The following MAP7 variants were observed in gnomAD, a reference collection of about 807,000 sequenced individuals.
MAP7 encodes the protein microtubule associated protein 7, also known as ensconsin.
A neutral mutation model predicts 94.8 loss-of-function variants in MAP7; 52 were observed. The ratio of observed to expected loss-of-function variants is 0.55; its 90% CI spans 0.44 to 0.69. The LOEUF is 0.69. Among genes scored for constraint, MAP7 ranks in the 30% least tolerant of loss-of-function variants. MAP7 has a pLI of 0.00. For synonymous variants in MAP7, 350 were observed against 357.0 expected (o/e 0.98, Z 0.22); for missense variants, 940 against 964.6 (o/e 0.97, Z 0.34).
chr6:136,458,286 T>C (rs781631035), intron 1 of MAP7, among the ~76,000 whole-genome samples: 5 of 152,050 alleles, frequency 3.3e-5, no homozygotes, highest in Non-Finnish European at 4.4e-5. Context: ...AAGATACAAA[T>C]AAATGGAAAG....
At chr6:136,492,013 A>G (rs1289077411) in intron 1 of MAP7, among the ~76,000 whole-genome samples, 5 of 152,218 alleles carry the variant, frequency 3.3e-5, no homozygotes, top group African/African-American at 1.2e-4. Context: ...TCCTCAACCC[A>G]TGAGTTTATA....
intron 1 of MAP7, among the ~76,000 whole-genome samples, chr6:136,457,341 C>T (rs1301481835): frequency 6.6e-6 from 1 of 151,212 alleles, no homozygotes; most frequent in Non-Finnish European, 1.5e-5. Context: ...CCATCCCCTG[C>T]CCCAAAAAAG....
At chr6:136,385,077 T>C (rs1461723580) in intron 5 of MAP7, among the ~76,000 whole-genome samples, 3 of 152,212 alleles carry the variant, frequency 2.0e-5, no homozygotes, top group African/African-American at 4.8e-5. Context: ...AAAATACTCC[T>C]TGTGGGAGAT....
chr6:136,394,723 C>G (rs924915850), intron 3 of MAP7, among the ~76,000 whole-genome samples: 5 of 151,032 alleles, frequency 3.3e-5, no homozygotes, highest in African/African-American at 4.9e-5. Context: ...AACCTCCCCC[C>G]CACCTTTCTG....
intron 1 of MAP7, among the ~76,000 whole-genome samples, chr6:136,456,744 A>AAGGAGGAGGAGGAGG (rs1238757592): frequency 1.7e-3 from 112 of 67,412 alleles, no homozygotes; most frequent in African/African-American, 6.9e-3. Flanking sequence ...GGAAGAGGAG[A>AAGGAGGAGGAGGAGG]AGGAGGAGGA....
At chr6:136,449,002 T>TA (rs748818487) in intron 1 of MAP7, among the ~76,000 whole-genome samples, 984 of 67,742 alleles carry the variant, frequency 0.015, 7 homozygotes, top group East Asian at 0.07. Context: ...ACAGTGGTGT[T>TA]AAAAAAAAAA....
intron 1 of MAP7, among the ~76,000 whole-genome samples, chr6:136,515,722 T>C (rs1340067108): frequency 6.6e-6 from 1 of 152,070 alleles, no homozygotes; most frequent in Non-Finnish European, 1.5e-5. Flanking sequence ...GTTTGTAGCA[T>C]CCCAAAACAA....
intron 1 of MAP7, among the ~76,000 whole-genome samples, chr6:136,528,331 A>C (rs1828183236): frequency 6.6e-6 from 1 of 152,214 alleles, no homozygotes; most frequent in Non-Finnish European, 1.5e-5. Flanking sequence ...ATAATTTTCT[A>C]TATTTGTAAA....
chr6:136,474,916 A>G (rs1810371333), intron 1 of MAP7, among the ~76,000 whole-genome samples: 1 of 151,972 alleles, frequency 6.6e-6, no homozygotes, highest in Non-Finnish European at 1.5e-5. Context: ...GGGTTTCACT[A>G]TGTTGCCCAG....
chr6:136,345,968 G>A lies in MAP7; in HGVS notation c.2127C>T (p.Val709=), dbSNP rs142334368. Residue 709 remains valine, a synonymous_variant, in exon 17 of 18, where the codon GTC becomes GTT. Transcript: ENST00000354570. The part of the protein sequence containing the change: ...PIGSKPSRLD[V]TNSESPEIPL... The stretch of plus-strand genomic sequence containing the variant: ...GAATTTCTGGGCTCTCACTGTTGGT[G>A]ACATCTAATCTGGATGGTTTAGATC... The A allele has an allele frequency of 1.0e-4, 165 of 1,613,456 alleles. No homozygotes were observed. The highest frequency in any genetic ancestry group is 2.6e-4 in the South Asian group (24 of 91,064).
intron 1 of MAP7, among the ~76,000 whole-genome samples, chr6:136,450,445 A>T (rs192959735): frequency 0.012 from 1,802 of 152,200 alleles, 15 homozygotes; most frequent in South Asian, 0.016. Context: ...ATATTAAAAT[A>T]TTAAAATGCA....
chr6:136,511,982 C>T (rs1455313129), intron 1 of MAP7, among the ~76,000 whole-genome samples: 1 of 152,180 alleles, frequency 6.6e-6, no homozygotes, highest in Non-Finnish European at 1.5e-5. Context: ...TGCAGACTGT[C>T]CAAGCCAATG....
At chr6:136,456,698 G>T (rs9494521) in intron 1 of MAP7, among the ~76,000 whole-genome samples, 1 of 85,780 alleles carries the variant, frequency 1.2e-5, no homozygotes, top group Non-Finnish European at 2.6e-5. Context: ...AAAGAAGAAA[G>T]AAGAAGAAAG....
intron 1 of MAP7, among the ~76,000 whole-genome samples, chr6:136,480,641 CAAAAAAAAAAA>C (rs769951186): frequency 9.9e-4 from 20 of 20,154 alleles, no homozygotes; most frequent in African/African-American, 3.6e-3. Context: ...GACTCTGCCT[CAAAAAAAAAAA>C]AAAAAAAAAA....
At chr6:136,364,188 G>A (rs534128641) in intron 10 of MAP7, 6 of 514,662 alleles carry the variant, frequency 1.2e-5, no homozygotes, top group Non-Finnish European at 2.3e-5. Context: ...CATTCTGCAT[G>A]AGGGTGAGGT....
intron 15 of MAP7, among the ~76,000 whole-genome samples, chr6:136,357,912 A>G (rs958409107): frequency 2.6e-5 from 4 of 152,202 alleles, no homozygotes; most frequent in African/African-American, 2.4e-5. Flanking sequence ...AATCTGCCCA[A>G]ATTTGCAAAG....
At position 136,388,447 on chromosome 6, in the gene MAP7, T is replaced by C. The variant is rs757419506; in HGVS notation, c.472A>G (p.Asn158Asp). The C allele has an allele frequency of 1.2e-6, 2 of 1,614,184 alleles. No individual in the cohort carries two copies. The highest frequency in any genetic ancestry group is 1.7e-6 in the Non-Finnish European group (2 of 1,180,010). Residue 158 changes from asparagine (N) to aspartate (D), a missense_variant, in exon 5 of 18, where the codon AAC becomes GAC. Transcript: ENST00000354570. Reference protein sequence around the residue: ...ERSQKPKQKHNRWSWGGSLHG... With the variant: ...ERSQKPKQKHDRWSWGGSLHG... The stretch of plus-strand genomic sequence containing the variant: ...AGAGAGCCTCCCCACGACCAACGGT[T>C]ATGCTTCTGTTTTGGCTTCTGGCTC...
intron 15 of MAP7, 77 bp from the exon 16 acceptor site, chr6:136,356,871 C>T (rs1227754762): frequency 1.7e-6 from 2 of 1,166,266 alleles, no homozygotes; most frequent in African/African-American, 1.5e-5. Flanking sequence ...AGCCAGAATG[C>T]CTTGATTTAT....
intron 3 of MAP7, among the ~76,000 whole-genome samples, chr6:136,408,169 T>C (rs369946688): frequency 3.8e-4 from 57 of 150,472 alleles, no homozygotes; most frequent in African/African-American, 1.4e-3. Context: ...AGAGAGAGAG[T>C]TTGAGGGGAT....
Sources: allele counts gnomAD v4.1 joint callset (sites outside exome capture counted in the v4.1 genomes callset), GRCh38; gene constraint gnomAD v4.1.1; transcripts MANE v1.5; gene names NCBI Gene and HGNC (gene_info 2026-07-23, HGNC 2026-07-21).